The following WASF3 variants were observed in gnomAD, a reference collection of about 807,000 sequenced individuals.
The protein encoded by WASF3 is actin-binding protein WASF3.
Under a neutral mutation model 46.6 loss-of-function variants are expected in WASF3, and 11 were observed. The ratio of observed to expected loss-of-function variants is 0.24; its 90% CI spans 0.15 to 0.39. The LOEUF is 0.39. Ranked by LOEUF, WASF3 falls within the 10% of genes least tolerant of loss-of-function variation. The pLI is 1.00. For synonymous variants in WASF3, 242 were observed against 259.7 expected, an observed-to-expected ratio of 0.93 and a Z score of 0.65; for missense variants, 576 against 669.8, an observed-to-expected ratio of 0.86 and a Z score of 1.55.
intron 1 of WASF3, among the ~76,000 whole-genome samples, chr13:26,564,583 T>G (rs913750169): frequency 6.6e-6 from 1 of 152,258 alleles, no homozygotes; most frequent in African/African-American, 2.4e-5. Flanking sequence ...AGAGCTGTTA[T>G]CCATTTTGTG....
chr13:26,612,094 C>T (rs142483480), intron 1 of WASF3, among the ~76,000 whole-genome samples: 74 of 152,278 alleles, frequency 4.9e-4, no homozygotes, highest in African/African-American at 1.7e-3. Flanking sequence ...GCTGTTCTCT[C>T]GCTTTCTTGC....
chr13:26,597,842 C>G (rs1880521810), intron 1 of WASF3, among the ~76,000 whole-genome samples: 1 of 152,196 alleles, frequency 6.6e-6, no homozygotes, highest in African/African-American at 2.4e-5. Context: ...ATATGTGCCA[C>G]ATTTTCTTAA....
chr13:26,565,735 A>C (rs1468718333), intron 1 of WASF3, among the ~76,000 whole-genome samples: 1 of 152,196 alleles, frequency 6.6e-6, no homozygotes, highest in Admixed American at 6.5e-5. Context: ...CCCAGGGAGG[A>C]AGATTATTAA....
At chr13:26,564,176 C>A (rs1879386833) in intron 1 of WASF3, among the ~76,000 whole-genome samples, 1 of 152,128 alleles carries the variant, frequency 6.6e-6, no homozygotes, top group African/African-American at 2.4e-5. Context: ...AGCTGCTGCC[C>A]TCAGAAAGCT....
At chr13:26,581,538 A>C (rs552891414) in intron 1 of WASF3, among the ~76,000 whole-genome samples, 45 of 152,238 alleles carry the variant, frequency 3.0e-4, no homozygotes, top group Non-Finnish European at 6.0e-4. Context: ...TCAGTGGGAA[A>C]ACTTTCACTT....
chr13:26,542,762 T>C, the WASF3 span, among the ~76,000 whole-genome samples: 22 of 152,360 alleles, frequency 1.4e-4, no homozygotes, highest in East Asian at 2.3e-3. Context: ...AACAGCACTC[T>C]GCGTCACCTC....
At chr13:26,567,392 C>G (rs191534538) in intron 1 of WASF3, among the ~76,000 whole-genome samples, 1 of 152,274 alleles carries the variant, frequency 6.6e-6, no homozygotes, top group East Asian at 1.9e-4. Context: ...CAAGCTTGTT[C>G]TAGATCAGGG....
chr13:26,656,255 A>T (rs1180946250), intron 3 of WASF3, among the ~76,000 whole-genome samples: 1 of 152,202 alleles, frequency 6.6e-6, no homozygotes, highest in Non-Finnish European at 1.5e-5. Flanking sequence ...AAGTAAAAAA[A>T]AGTTTCTTTT....
chr13:26,626,972 G>A (rs7986966), intron 2 of WASF3, among the ~76,000 whole-genome samples: 78,330 of 151,974 alleles, frequency 0.52, 20,597 homozygotes, highest in Non-Finnish European at 0.57. Context: ...TCGCTACCCA[G>A]TTTGCTGTAA....
intron 1 of WASF3, among the ~76,000 whole-genome samples, chr13:26,568,629 C>T (rs1207748100): frequency 6.6e-6 from 1 of 152,158 alleles, no homozygotes; most frequent in African/African-American, 2.4e-5. Context: ...TTTTAGGTCA[C>T]ATGCCAGTGC....
In WASF3 at chr13:26,685,795, A is replaced by G; in HGVS notation, c.1459A>G (p.Ser487Gly). 1.9e-6 allele frequency: 3 copies of G among 1,614,144 alleles called. No individual in the cohort carries two copies. Among genetic ancestry groups the G allele is most frequent in the Non-Finnish European group, 2.5e-6 (3 of 1,179,984 alleles). Residue 487 changes from serine to glycine, a missense_variant, in exon 10 of 10, where the codon AGC becomes GGC. By Grantham distance (56) the Ser-to-Gly change is moderately conservative (BLOSUM62 0). Around this residue, in one of 3 missense-constraint regions of WASF3, gnomAD observed 68 missense variants for 100.3 expected, o/e 0.68. Transcript: ENST00000335327. ...ILSRRIAVEYSDSDDDSEFDE... is the reference protein window; with the variant it reads ...ILSRRIAVEYGDSDDDSEFDE... Reference sequence around the variant, plus strand: ...GTCCCGGCGCATTGCCGTGGAGTACAGCGACTCTGACGACGACTCAGAGTT... The same window carrying G: ...GTCCCGGCGCATTGCCGTGGAGTACGGCGACTCTGACGACGACTCAGAGTT...
At chr13:26,644,977 C>G (rs562950574) in intron 3 of WASF3, among the ~76,000 whole-genome samples, 1 of 152,262 alleles carries the variant, frequency 6.6e-6, no homozygotes, top group South Asian at 2.1e-4. Flanking sequence ...ACTTCAGGTT[C>G]GTTGAGTGCA....
intron 1 of WASF3, among the ~76,000 whole-genome samples, chr13:26,561,573 GT>G (rs1249881937): frequency 6.6e-6 from 1 of 152,180 alleles, no homozygotes; most frequent in Non-Finnish European, 1.5e-5. Context: ...GCATGTGAGA[GT>G]TATTAGCTGT....
chr13:26,626,417 C>A (rs1881465403), intron 2 of WASF3: 1 of 152,092 alleles, frequency 6.6e-6, no homozygotes, highest in African/African-American at 2.4e-5. Flanking sequence ...GGGGTCTTTG[C>A]TAGAAACTGA....
At chr13:26,560,105 C>T (rs1879250662) in intron 1 of WASF3, among the ~76,000 whole-genome samples, 1 of 152,018 alleles carries the variant, frequency 6.6e-6, no homozygotes, top group Non-Finnish European at 1.5e-5. Context: ...AGGCGTGAGC[C>T]ACCGCTCCCG....
At chr13:26,646,936 A>C (rs937133798) in intron 3 of WASF3, among the ~76,000 whole-genome samples, 11 of 152,372 alleles carry the variant, frequency 7.2e-5, no homozygotes, top group African/African-American at 2.4e-4. Context: ...TGCATAAAGC[A>C]AGAAAAGAAT....
At chr13:26,571,690 A>G (rs1476828907) in intron 1 of WASF3, among the ~76,000 whole-genome samples, 1 of 152,088 alleles carries the variant, frequency 6.6e-6, no homozygotes, top group African/African-American at 2.4e-5. Flanking sequence ...TCCCTTGCAC[A>G]TTTACTGAGC....
At chr13:26,539,781 GTGGGCCCAGCCCCCATTCC>G in the WASF3 span, among the ~76,000 whole-genome samples, 1 of 152,114 alleles carries the variant, frequency 6.6e-6, no homozygotes, top group Non-Finnish European at 1.5e-5. Flanking sequence ...GCTTCACATC[GTGGGCCCAGCCCCCATTCC>G]TGGTCTTGGC....
At chr13:26,584,696 A>G (rs745571071) in intron 1 of WASF3, among the ~76,000 whole-genome samples, 1 of 152,202 alleles carries the variant, frequency 6.6e-6, no homozygotes, top group Non-Finnish European at 1.5e-5. Flanking sequence ...TTTTATGTTC[A>G]GTTATCTAGG....
Sources: gnomAD v4.1 joint callset for allele counts (sites outside exome capture counted in the v4.1 genomes callset) on GRCh38, gnomAD v4.1.1 for gene constraint, gnomAD v4.1.1 regional missense constraint, MANE v1.5 for transcripts, NCBI Gene and HGNC (gene_info 2026-07-23, HGNC 2026-07-21) for gene names.